SKA2: variants seen among roughly 807,000 people sequenced by gnomAD.
The protein encoded by SKA2 is spindle and kinetochore-associated protein 2.
In SKA2, 13 loss-of-function variants were observed where a neutral mutation model predicts 16.9. That is an observed-to-expected ratio of 0.77 (90% CI 0.50 to 1.22). SKA2 has a LOEUF of 1.22. SKA2 is among the 50% of genes most tolerant of loss of function. The pLI, the probability that SKA2 is intolerant of heterozygous loss-of-function variation, is 0.00. For synonymous variants in SKA2, 47 were observed against 48.5 expected (o/e 0.97, Z 0.13); for missense variants, 107 against 139.7 (o/e 0.77, Z 1.18).
intron 1 of SKA2, among the ~76,000 whole-genome samples, chr17:59,153,720 C>T (rs2046594674): frequency 6.6e-6 from 1 of 151,804 alleles, no homozygotes; most frequent in Admixed American, 6.6e-5. Context: ...CAGGGAATGG[C>T]GTGGGAAGGA....
intron 1 of SKA2, among the ~76,000 whole-genome samples, chr17:59,143,770 C>T (rs2046510766): frequency 6.6e-6 from 1 of 152,104 alleles, no homozygotes; most frequent in African/African-American, 2.4e-5. Flanking sequence ...CCACGCCTGG[C>T]CCCAAAACTT....
intron 3 of SKA2, among the ~76,000 whole-genome samples, chr17:59,118,871 A>C (rs962543652): frequency 2.6e-5 from 4 of 152,220 alleles, no homozygotes; most frequent in African/African-American, 9.6e-5. Context: ...AAGTATCTTA[A>C]GCCAAAATTT....
intron 3 of SKA2, among the ~76,000 whole-genome samples, chr17:59,113,478 G>A (rs777846577): frequency 2.6e-5 from 4 of 151,476 alleles, no homozygotes; most frequent in Non-Finnish European, 5.9e-5. Context: ...ACCCAAGATC[G>A]CACCACTGAA....
chr17:59,142,146 A>G (rs981800192), intron 1 of SKA2, among the ~76,000 whole-genome samples: 10 of 152,222 alleles, frequency 6.6e-5, no homozygotes, highest in Admixed American at 4.6e-4. Flanking sequence ...GCAGAAGTGA[A>G]GAAATGGGGT....
Position 59,154,973 on chromosome 17 carries a change from C to A in SKA2, c.33+158G>T, listed in dbSNP as rs1409045789. 4.3e-6 allele frequency: 7 copies of A among 1,613,906 alleles called. No individual in the cohort carries two copies. The Admixed American group carries it at 1.0e-4, about 23-fold the overall frequency. ...CCCCTTACCCGAGGCGGTTTAGACA[C>A]CAGACGGTGGCGGCTCCCTTTGGTG... On this transcript the variant is annotated intron_variant, in intron 1 of 3. Coordinates refer to ENST00000330137, the MANE Select transcript of SKA2 (RefSeq NM_182620.4).
Position 59,112,348 on chromosome 17 carries a change from A to G in SKA2, c.298-3T>C. 4 of 1,602,928 alleles carry G rather than the reference A, an allele frequency of 2.5e-6. No homozygotes were observed. The highest frequency in any genetic ancestry group is 3.4e-6 in the Non-Finnish European group (4 of 1,176,374). On this transcript the variant is annotated splice_region_variant and splice_polypyrimidine_tract_variant and intron_variant, in intron 3 of 3. Coordinates refer to ENST00000330137, the MANE Select transcript of SKA2 (RefSeq NM_182620.4). ...TCTTCTTTAGTCAGTGGTGACAGCT[A>G]GAAAATAAATGATAAAATCTTTATT...
intron 2 of SKA2, among the ~76,000 whole-genome samples, chr17:59,129,623 T>G (rs974207538): frequency 6.6e-6 from 1 of 151,888 alleles, no homozygotes; most frequent in Admixed American, 6.6e-5. Context: ...TTTAGGAGGC[T>G]GAGGCGGGTG....
In SKA2 at chr17:59,112,061, A is replaced by G. The variant is rs891817942; in HGVS notation, c.*216T>C. On this transcript the variant is annotated 3_prime_UTR_variant, in exon 4 of 4. Transcript: ENST00000330137. ...TGTGTACATATATTTAAATCGTTTT[A>G]TTCTCATTTGATCCTTTTGGCTGAA... 1 of 539,794 alleles carries G rather than the reference A, an allele frequency of 1.9e-6. No homozygotes were observed. The highest frequency in any genetic ancestry group is 3.4e-6 in the Non-Finnish European group (1 of 298,492). 33.4% of individuals were successfully genotyped at this position (539,794 alleles called of 1,614,324 possible). A position where few individuals can be genotyped will look rare whatever the true frequency, so the allele number is the denominator to read the frequency against.
At chr17:59,145,244 G>T (rs1008245981) in intron 1 of SKA2, among the ~76,000 whole-genome samples, 8 of 152,014 alleles carry the variant, frequency 5.3e-5, no homozygotes, top group African/African-American at 1.9e-4. Flanking sequence ...AAAAAAATAG[G>T]GAAAAAAGTT....
chr17:59,149,385 T>C (rs2046559630), intron 1 of SKA2, among the ~76,000 whole-genome samples: 1 of 152,112 alleles, frequency 6.6e-6, no homozygotes, highest in African/African-American at 2.4e-5. Flanking sequence ...GATGCACACC[T>C]GTAGTTCCAG....
At chr17:59,130,839 G>A (rs2046407323) in intron 2 of SKA2, among the ~76,000 whole-genome samples, 1 of 152,090 alleles carries the variant, frequency 6.6e-6, no homozygotes, top group Admixed American at 6.5e-5. Flanking sequence ...CCTAAACTTA[G>A]AGTAATTAAA....
chr17:59,129,411 TAA>T (rs1160337585), intron 2 of SKA2: 2 of 146,460 alleles, frequency 1.4e-5, no homozygotes, highest in Non-Finnish European at 3.0e-5. Context: ...TTTAAACTGA[TAA>T]AAACAGATAC....
intron 3 of SKA2, among the ~76,000 whole-genome samples, chr17:59,114,682 C>T (rs2046284884): frequency 6.6e-6 from 1 of 152,114 alleles, no homozygotes; most frequent in South Asian, 2.1e-4. Flanking sequence ...CAATAGCATC[C>T]ACCAAAAGCA....
chr17:59,153,230 A>G (rs184028292), intron 1 of SKA2, among the ~76,000 whole-genome samples: 1 of 152,322 alleles, frequency 6.6e-6, no homozygotes, highest in East Asian at 1.9e-4. Flanking sequence ...AGAAATATCT[A>G]TATCAGTAGG....
intron 2 of SKA2, among the ~76,000 whole-genome samples, chr17:59,123,021 CAA>C (rs1197154280): frequency 2.2e-4 from 11 of 49,130 alleles, no homozygotes; most frequent in Non-Finnish European, 3.4e-4. Flanking sequence ...AACCTTGTCT[CAA>C]AAAAAAAAAA....
chr17:59,141,835 T>C (rs1343449348), intron 1 of SKA2, among the ~76,000 whole-genome samples: 4 of 152,034 alleles, frequency 2.6e-5, no homozygotes, highest in African/African-American at 9.7e-5. Context: ...GACCTGCACA[T>C]TGACCCGGTT....
At chr17:59,115,512 C>T (rs1023794440) in intron 3 of SKA2, among the ~76,000 whole-genome samples, 5 of 152,298 alleles carry the variant, frequency 3.3e-5, no homozygotes, top group South Asian at 2.1e-4. Context: ...AACAATCATA[C>T]GTCTTACTAC....
chr17:59,133,425 G>T (rs749193064), intron 1 of SKA2, among the ~76,000 whole-genome samples: 1 of 152,094 alleles, frequency 6.6e-6, no homozygotes, highest in Non-Finnish European at 1.5e-5. Context: ...ATTTCCACAG[G>T]CATGGTCTCC....
At chr17:59,114,299 G>A (rs141964329) in intron 3 of SKA2, among the ~76,000 whole-genome samples, 2 of 152,166 alleles carry the variant, frequency 1.3e-5, no homozygotes, top group Non-Finnish European at 2.9e-5. Context: ...GTATAGTCAT[G>A]TGTCACTTAA....
Sources: allele counts gnomAD v4.1 joint callset (sites outside exome capture counted in the v4.1 genomes callset), GRCh38; gene constraint gnomAD v4.1.1; transcripts MANE v1.5; gene names NCBI Gene and HGNC (gene_info 2026-07-23, HGNC 2026-07-21).